Variants in TASOR observed in about 807,000 individuals in gnomAD.
TASOR encodes transcription activation suppressor, also known as protein TASOR.
In TASOR, 53 loss-of-function variants were observed where a neutral mutation model predicts 178.6. That is an observed-to-expected ratio of 0.30 (90% CI 0.24 to 0.37). The LOEUF is 0.37. Among genes scored for constraint, TASOR ranks in the 10% least tolerant of loss-of-function variants. TASOR has a pLI of 1.00. For missense variants in TASOR, 1,815 were observed against 1,971.4 expected, an observed-to-expected ratio of 0.92 and a Z score of 1.50; for synonymous variants, 713 against 696.2, an observed-to-expected ratio of 1.02 and a Z score of -0.38.
chr3:56,639,680 T>G (rs2077083800), intron 16 of TASOR, among the ~76,000 whole-genome samples: 3 of 152,216 alleles, frequency 2.0e-5, no homozygotes, highest in African/African-American at 4.8e-5. Context: ...TACCTCACCT[T>G]ATCAAAAACT....
At chr3:56,676,270 T>C (rs2031287627) in intron 1 of TASOR, among the ~76,000 whole-genome samples, 1 of 152,196 alleles carries the variant, frequency 6.6e-6, no homozygotes, top group African/African-American at 2.4e-5. Flanking sequence ...GCTTTAAAAA[T>C]GGTAACAATA....
chr3:56,659,770 T>C (rs1035410998), intron 11 of TASOR, among the ~76,000 whole-genome samples: 4 of 152,200 alleles, frequency 2.6e-5, no homozygotes, highest in African/African-American at 4.8e-5. Flanking sequence ...ACTTGAACAC[T>C]GCCTGAATGA....
chr3:56,677,832 G>A (rs2031444406), intron 1 of TASOR, among the ~76,000 whole-genome samples: 2 of 152,154 alleles, frequency 1.3e-5, no homozygotes, highest in Non-Finnish European at 1.5e-5. Context: ...ACAGGGCCAA[G>A]AGTCGTAACA....
At position 56,633,249 on chromosome 3, in the gene TASOR, T is replaced by C; in HGVS notation, c.3542A>G (p.Asp1181Gly). ...TTCTTCTACTGGTTCCCGGGCCATA[T>C]CACCAGGTACAATATGATCAGAAGT... ...MVTSDHIVPG[D>G]MAREPVEETT... Residue 1181 changes from aspartate (D) to glycine (G), a missense_variant, in exon 18 of 24, where the codon GAT becomes GGT. Coordinates refer to ENST00000683822, the MANE Select transcript of TASOR (RefSeq NM_001365635.2). 1.9e-6 allele frequency: 3 copies of C among 1,614,168 alleles called. No individual in the cohort carries two copies. Among genetic ancestry groups the C allele is most frequent in the Non-Finnish European group, 2.5e-6 (3 of 1,180,028 alleles).
intron 15 of TASOR, among the ~76,000 whole-genome samples, chr3:56,640,684 A>C (rs2077102842): frequency 6.6e-6 from 1 of 152,160 alleles, no homozygotes; most frequent in South Asian, 2.1e-4. Context: ...AAAGGCAGGG[A>C]AGAGAAAATG....
chr3:56,652,232 T>G (rs1354370507), intron 11 of TASOR, among the ~76,000 whole-genome samples: 2 of 152,200 alleles, frequency 1.3e-5, no homozygotes, highest in African/African-American at 4.8e-5. Context: ...AGTGTTGATG[T>G]TGCACAACAG....
intron 11 of TASOR, among the ~76,000 whole-genome samples, chr3:56,657,563 G>C (rs971507789): frequency 1.2e-4 from 18 of 152,058 alleles, no homozygotes; most frequent in African/African-American, 4.3e-4. Context: ...TAATTGCTCT[G>C]CTCCACAATA....
Position 56,623,346 on chromosome 3 carries a change from AG to A in TASOR, c.4703del (p.Ser1568LeufsTer9). ...SLLEDKTYLD[S>X]EERTSIDIVC... ...CTATATCAATAGAAGTTCTCTCTTC[AG>A]AATCAAGGTAAGTCTTATCTTCTAA... On this transcript the variant is annotated frameshift_variant, in exon 24 of 24. Coordinates refer to ENST00000683822, the MANE Select transcript of TASOR (RefSeq NM_001365635.2). LOFTEE classifies it high-confidence loss of function. 1 of 1,613,620 alleles carries A rather than the reference AG, an allele frequency of 6.2e-7. No individual in the cohort carries two copies. The highest frequency in any genetic ancestry group is 8.5e-7 in the Non-Finnish European group (1 of 1,179,962).
chr3:56,639,076 C>T (rs1047010660), intron 16 of TASOR, among the ~76,000 whole-genome samples: 2 of 152,174 alleles, frequency 1.3e-5, no homozygotes, highest in African/African-American at 4.8e-5. Flanking sequence ...CCTCTATCAT[C>T]ACCTACAGGC....
At position 56,639,323 on chromosome 3, in the gene TASOR, A is replaced by AG. The variant is rs1553724084; in HGVS notation, c.2765-559dup. 2.7e-3 allele frequency among the ~76,000 whole-genome samples: 75 copies of AG among 27,694 alleles called. No homozygotes were observed. The African/African-American group carries it at 0.056, about 21-fold the overall frequency. 18.2% of individuals were successfully genotyped at this position (27,694 alleles called of 152,430 possible). A position where few individuals can be genotyped will look rare whatever the true frequency, so the allele number is the denominator to read the frequency against. On this transcript the variant is annotated intron_variant, in intron 16 of 23. Transcript: ENST00000683822. The stretch of plus-strand genomic sequence containing the variant: ...AAAATATTTCCAAAAATGTTTAGCT[A>AG]GAAAAGTGAGTAACAACTTGGAATA...
intron 11 of TASOR, among the ~76,000 whole-genome samples, chr3:56,660,473 C>A (rs1225893581): frequency 7.6e-6 from 1 of 132,086 alleles, no homozygotes; most frequent in Non-Finnish European, 1.5e-5. Context: ...CCTGGTGAGA[C>A]AGCAAGACTC....
intron 18 of TASOR, among the ~76,000 whole-genome samples, chr3:56,631,584 GTT>G (rs932459148): frequency 3.5e-4 from 40 of 113,410 alleles, no homozygotes; most frequent in Admixed American, 3.3e-3. Flanking sequence ...GTGTTTTTTT[GTT>G]TTTTTTTTTT....
intron 19 of TASOR, among the ~76,000 whole-genome samples, 173 bp from the exon 20 acceptor site, chr3:56,627,914 A>G (rs1349928329): frequency 6.6e-6 from 1 of 152,216 alleles, no homozygotes; most frequent in African/African-American, 2.4e-5. Context: ...CCCAATATAT[A>G]AACCAACATT....
In TASOR at chr3:56,683,171, C is replaced by T; in HGVS notation, c.-165G>A. On this transcript the variant is annotated 5_prime_UTR_variant, in exon 1 of 24. Coordinates refer to ENST00000683822, the MANE Select transcript of TASOR (RefSeq NM_001365635.2). Reference sequence around the variant, plus strand: ...CCGACCTGGCAGCCTCTTGGGGGGCCCTGTAGCGGGCACCCCAAATGCGCT... The same window carrying T: ...CCGACCTGGCAGCCTCTTGGGGGGCTCTGTAGCGGGCACCCCAAATGCGCT... 5 of 718,714 alleles carry T rather than the reference C, an allele frequency of 7.0e-6. No homozygotes were observed. Among genetic ancestry groups the T allele is most frequent in the Non-Finnish European group, 8.8e-6 (4 of 454,602 alleles). The allele number at this position is 718,714 out of a possible 1,614,324, so 44.5% of individuals were successfully genotyped here.
At chr3:56,643,277 G>T (rs2077165620) in intron 14 of TASOR, among the ~76,000 whole-genome samples, 1 of 150,178 alleles carries the variant, frequency 6.7e-6, no homozygotes. Context: ...AAAAAAAAAA[G>T]TTCTATATAT....
rs2076708839 is a variant in TASOR at position 56,622,490 on chromosome 3, T to G, written c.*547A>C. The stretch of plus-strand genomic sequence containing the variant: ...TACCAGAATTTTAGCAATAGGCAGT[T>G]TTTACATGACTAAGCCTAGAGATAA... On this transcript the variant is annotated 3_prime_UTR_variant, in exon 24 of 24. Coordinates refer to ENST00000683822, the MANE Select transcript of TASOR (RefSeq NM_001365635.2). 6.6e-6 allele frequency: 1 copy of G among 152,628 alleles called. No individual in the cohort carries two copies. The highest frequency in any genetic ancestry group is 1.5e-5 in the Non-Finnish European group (1 of 68,016). 9.5% of individuals were successfully genotyped at this position (152,628 alleles called of 1,614,324 possible).
chr3:56,659,031 T>C (rs2077536652), intron 11 of TASOR, among the ~76,000 whole-genome samples: 1 of 152,098 alleles, frequency 6.6e-6, no homozygotes, highest in South Asian at 2.1e-4. Context: ...GTTTCTAGCC[T>C]GTAAGTCAAA....
intron 1 of TASOR, 119 bp downstream of exon 1, chr3:56,682,557 G>T: frequency 1.0e-6 from 1 of 962,764 alleles, no homozygotes; most frequent in Non-Finnish European, 1.4e-6. Context: ...GGGAGAGGCG[G>T]CCGGCGCTGC....
chr3:56,637,872 A>G (rs1216694534), intron 17 of TASOR, among the ~76,000 whole-genome samples: 1 of 152,214 alleles, frequency 6.6e-6, no homozygotes, highest in East Asian at 1.9e-4. Flanking sequence ...AAGATCAGAC[A>G]AAGATTATCT....
Sources: allele counts gnomAD v4.1 joint callset (sites outside exome capture counted in the v4.1 genomes callset), GRCh38; gene constraint gnomAD v4.1.1; transcripts MANE v1.5; gene names NCBI Gene and HGNC (gene_info 2026-07-23, HGNC 2026-07-21).